G3BP2: variants seen among roughly 807,000 people sequenced by gnomAD.
G3BP2 encodes ras GTPase-activating protein-binding protein 2.
A neutral mutation model predicts 56.7 loss-of-function variants in G3BP2; 11 were observed. The observed-to-expected ratio is 0.19, with a 90% CI of 0.12 to 0.32. The LOEUF (loss-of-function observed/expected upper bound fraction) is 0.32, where lower values mean the gene tolerates loss of function less well. Among genes scored for constraint, G3BP2 ranks in the 10% least tolerant of loss-of-function variants. The pLI is 1.00. For missense variants in G3BP2, 340 were observed against 610.9 expected (o/e 0.56, Z 4.67); for synonymous variants, 165 against 191.6 (o/e 0.86, Z 1.15).
At chr4:75,722,311 G>A (rs1720206865) in intron 1 of G3BP2, among the ~76,000 whole-genome samples, 1 of 152,124 alleles carries the variant, frequency 6.6e-6, no homozygotes, top group Admixed American at 6.6e-5. Flanking sequence ...CTACACTCAC[G>A]AAAGTATAGT....
upstream of G3BP2, among the ~76,000 whole-genome samples, chr4:75,674,718 A>ATATATATATATATATATTT (rs1241041465): frequency 2.8e-5 from 2 of 71,432 alleles, no homozygotes; most frequent in African/African-American, 1.2e-4. Context: ...ATATATATAT[A>ATATATATATATATATATTT]TTTTTTTTTT....
chr4:75,673,568 G>C (rs1042648310), upstream of G3BP2: 10 of 1,231,830 alleles, frequency 8.1e-6, no homozygotes, highest in Non-Finnish European at 9.1e-6. Context: ...ACGCTGCCGC[G>C]CTCGCACACG....
intron 8 of G3BP2, among the ~76,000 whole-genome samples, chr4:75,650,426 CA>C (rs1220235661): frequency 3.3e-3 from 253 of 76,764 alleles, no homozygotes; most frequent in Admixed American, 6.7e-3. Context: ...AACTCCATCT[CA>C]AAAAAAAAAA....
chr4:75,700,931 T>A (rs1014461840), intron 3 of G3BP2, among the ~76,000 whole-genome samples: 2 of 151,570 alleles, frequency 1.3e-5, no homozygotes, highest in African/African-American at 4.9e-5. Context: ...CTCCACCTAC[T>A]GGGTTCAAGC....
intron 2 of G3BP2, among the ~76,000 whole-genome samples, chr4:75,661,125 C>G (rs1346861289): frequency 6.6e-6 from 1 of 152,158 alleles, no homozygotes; most frequent in Non-Finnish European, 1.5e-5. Context: ...ATTAGTTGGT[C>G]AAACCCAAGA....
intron 3 of G3BP2, among the ~76,000 whole-genome samples, chr4:75,715,730 T>C (rs1464853418): frequency 6.6e-6 from 1 of 152,216 alleles, no homozygotes; most frequent in Non-Finnish European, 1.5e-5. Context: ...CCATCAGCCA[T>C]GCCCCGGGGC....
intron 2 of G3BP2, 115 bp downstream of exon 2, chr4:75,661,816 G>A: frequency 1.6e-6 from 1 of 618,580 alleles, no homozygotes; most frequent in South Asian, 2.1e-5. Flanking sequence ...ATACAGTTTA[G>A]ACATGTTTAC....
chr4:75,675,146 C>T (rs949310294), upstream of G3BP2, among the ~76,000 whole-genome samples: 1 of 152,166 alleles, frequency 6.6e-6, no homozygotes, highest in Non-Finnish European at 1.5e-5. Flanking sequence ...GGCAATCTGC[C>T]TCCACAGTCC....
chr4:75,681,411 A>C (rs1382128192), intron 3 of G3BP2, among the ~76,000 whole-genome samples: 1 of 152,216 alleles, frequency 6.6e-6, no homozygotes, highest in Non-Finnish European at 1.5e-5. Flanking sequence ...CAGAGGGTAC[A>C]TTCCAGGACC....
chr4:75,656,291 T>TCCC (rs10661185), intron 5 of G3BP2, among the ~76,000 whole-genome samples: 58,106 of 151,132 alleles, frequency 0.38, 11,905 homozygotes, highest in African/African-American at 0.51. Flanking sequence ...CGCGCTCGGC[T>TCCC]CCAATTTTTT....
chr4:75,687,627 AT>A (rs535294519), intron 3 of G3BP2, among the ~76,000 whole-genome samples: 33 of 152,354 alleles, frequency 2.2e-4, no homozygotes, highest in Admixed American at 9.8e-4. Context: ...TTTTCAAATC[AT>A]TTTTGGAGAA....
chr4:75,655,715 C>A, intron 6 of G3BP2, 53 bp downstream of exon 6: 1 of 897,830 alleles, frequency 1.1e-6, no homozygotes, highest in South Asian at 1.4e-5. Flanking sequence ...GAACAGAAAC[C>A]ACCTTGCTGA....
At chr4:75,686,136 G>A (rs1245608258) in intron 3 of G3BP2, among the ~76,000 whole-genome samples, 2 of 152,104 alleles carry the variant, frequency 1.3e-5, no homozygotes, top group African/African-American at 4.8e-5. Flanking sequence ...TAAATTGTTT[G>A]TTCAATGGAC....
chr4:75,718,826 G>T (rs2149120174), intron 3 of G3BP2, among the ~76,000 whole-genome samples: 1 of 152,204 alleles, frequency 6.6e-6, no homozygotes, highest in South Asian at 2.1e-4. Context: ...CTTGGGCCTA[G>T]GATACTAGGA....
At chr4:75,680,690 G>T (rs1406109852) in intron 3 of G3BP2, among the ~76,000 whole-genome samples, 1 of 152,234 alleles carries the variant, frequency 6.6e-6, no homozygotes, top group African/African-American at 2.4e-5. Flanking sequence ...GGCCTAGCCA[G>T]GCGCAGTGGC....
intron 3 of G3BP2, among the ~76,000 whole-genome samples, chr4:75,683,142 C>T (rs1055540270): frequency 3.3e-5 from 5 of 152,194 alleles, no homozygotes; most frequent in African/African-American, 1.2e-4. Context: ...GGTGTAACCA[C>T]TTCCTTGTAG....
intron 3 of G3BP2, among the ~76,000 whole-genome samples, chr4:75,692,516 T>C (rs1172182358): frequency 6.6e-6 from 1 of 152,104 alleles, no homozygotes; most frequent in Non-Finnish European, 1.5e-5. Flanking sequence ...TTCACCATAT[T>C]GGACAGGCTG....
chr4:75,655,302 A>G (rs2148975259), intron 6 of G3BP2, 56 bp from the exon 7 acceptor site: 1 of 1,271,462 alleles, frequency 7.9e-7, no homozygotes, highest in African/African-American at 1.5e-5. Context: ...GAAAAAATTC[A>G]ATTTCTCTCT....
chr4:75,653,222 AT>A (rs1164028117), intron 8 of G3BP2, among the ~76,000 whole-genome samples: 1 of 152,198 alleles, frequency 6.6e-6, no homozygotes, highest in Non-Finnish European at 1.5e-5. Flanking sequence ...CTTAGAACAT[AT>A]AAAAGATACA....
Sources: allele counts gnomAD v4.1 joint callset (sites outside exome capture counted in the v4.1 genomes callset), GRCh38; gene constraint gnomAD v4.1.1; transcripts MANE v1.5; gene names NCBI Gene and HGNC (gene_info 2026-07-23, HGNC 2026-07-21).